MRM3: variants seen among roughly 807,000 people sequenced by gnomAD.
The protein encoded by MRM3 is rRNA methyltransferase 3, mitochondrial.
Under a neutral mutation model 29.4 loss-of-function variants are expected in MRM3, and 26 were observed. That is an observed-to-expected ratio of 0.89 (90% CI 0.65 to 1.23). The LOEUF (loss-of-function observed/expected upper bound fraction) is 1.23. MRM3 is among the 50% of genes most tolerant of loss of function. The probability of loss-of-function intolerance (pLI) is 0.00; values close to 1 mark genes in which losing one functional copy is unlikely to be tolerated. For synonymous variants in MRM3, 225 were observed against 219.0 expected, an observed-to-expected ratio of 1.03 and a Z score of -0.24; for missense variants, 578 against 540.2, an observed-to-expected ratio of 1.07 and a Z score of -0.69.
chr17:784,571 G>A (rs67349310), intron 2 of MRM3, among the ~76,000 whole-genome samples: 18,199 of 151,460 alleles, frequency 0.12, 1,442 homozygotes, highest in Middle Eastern at 0.2. Context: ...CTTGGGGCAG[G>A]TGTGCTTACA....
chr17:784,079 G>A (rs1448130869), intron 2 of MRM3, among the ~76,000 whole-genome samples: 1 of 152,212 alleles, frequency 6.6e-6, no homozygotes, highest in South Asian at 2.1e-4. Flanking sequence ...CTTCTAGTCT[G>A]TTCCTTCATT....
Position 788,196 on chromosome 17 carries a change from G to T in MRM3, c.727+64G>T, listed in dbSNP as rs750251478. ...GTAATCCAGCCCTTTGGGAGGCCGAGGCAGGAGGGTCACTTGAGCCCAGGA... is the reference window on the plus strand; with the variant it reads ...GTAATCCAGCCCTTTGGGAGGCCGATGCAGGAGGGTCACTTGAGCCCAGGA... On this transcript the variant is annotated intron_variant, in intron 3 of 3. Transcript: ENST00000304478. 8 of 1,547,478 alleles carry T rather than the reference G, an allele frequency of 5.2e-6. No individual in the cohort carries two copies. In the South Asian group the frequency reaches 9.2e-5, roughly 18 times the overall value.
Position 786,846 on chromosome 17 carries a change from G to A in MRM3, c.560-1119G>A, listed in dbSNP as rs77374414. Among the ~76,000 whole-genome samples, 198 of 152,328 alleles carry A rather than the reference G, an allele frequency of 1.3e-3. 3 individuals are homozygous for A. The highest frequency in any genetic ancestry group is 4.5e-3 in the African/African-American group (187 of 41,584). ...AAATTTTTAGACACATGGACAGACA[G>A]TCCTACAGGGATACCCATTGCAGCA... is the stretch of plus-strand genomic sequence containing the variant. On this transcript the variant is annotated intron_variant, in intron 2 of 3. Transcript: ENST00000304478.
At chr17:791,500 G>C (rs1313961718) in intron 3 of MRM3, 34 bp from the exon 4 acceptor site, 1 of 1,594,126 alleles carries the variant, frequency 6.3e-7, no homozygotes, top group Non-Finnish European at 8.6e-7. Flanking sequence ...GGGAAGATTT[G>C]TAACATCTTG....
In MRM3 at chr17:792,142, G is replaced by A. The variant is rs1910859479; in HGVS notation, c.*73G>A. The A allele has an allele frequency of 3.4e-6, 5 of 1,466,440 alleles. No individual in the cohort carries two copies. Among genetic ancestry groups the A allele is most frequent in the Admixed American group, 2.2e-5 (1 of 44,802 alleles). 90.8% of individuals were successfully genotyped at this position (1,466,440 alleles called of 1,614,324 possible). A position where few individuals can be genotyped will look rare whatever the true frequency, so the allele number is the denominator to read the frequency against. ...ACCAGCACACTGGTGGGAGGCTGGC[G>A]GAGTCAGTGACTATGGCCCCCACGT... On this transcript the variant is annotated 3_prime_UTR_variant, in exon 4 of 4. Transcript: ENST00000304478.
chr17:788,711 A>G (rs1910656147), intron 3 of MRM3, among the ~76,000 whole-genome samples: 1 of 152,058 alleles, frequency 6.6e-6, no homozygotes, highest in Non-Finnish European at 1.5e-5. Context: ...CCTGAGCAGT[A>G]GCTGGAATGA....
chr17:790,470 G>GCCCACCT (rs1037235231), intron 3 of MRM3: 3 of 175,348 alleles, frequency 1.7e-5, no homozygotes, highest in Non-Finnish European at 2.5e-5. Context: ...GTGTTGGCCT[G>GCCCACCT]CCCACCTCCC....
intron 2 of MRM3, among the ~76,000 whole-genome samples, chr17:785,738 G>A (rs985153312): frequency 2.0e-5 from 3 of 152,190 alleles, no homozygotes; most frequent in African/African-American, 7.2e-5. Context: ...ATGCATTCAA[G>A]TTTTGAAATT....
chr17:792,035 C>T lies in MRM3; in HGVS notation c.1229C>T (p.Ala410Val). Reference sequence around the variant, plus strand: ...GGGAAAAGACAGCTGCGGGGGAGGGCGGAGGACTTGAGCAGGGACAGGAGT... The same window carrying T: ...GGGAAAAGACAGCTGCGGGGGAGGGTGGAGGACTTGAGCAGGGACAGGAGT... Reference protein sequence around the residue: ...FEGKRQLRGRAEDLSRDRSYH With the variant: ...FEGKRQLRGRVEDLSRDRSYH The change falls in exon 4 of 4, where the codon GCG becomes GTG. Residue 410 changes from alanine (A) to valine (V), a missense_variant. By Grantham distance (64) the Ala-to-Val change is moderately conservative. Coordinates refer to ENST00000304478, the MANE Select transcript of MRM3 (RefSeq NM_018146.4). The T allele has an allele frequency of 2.5e-6, 4 of 1,611,436 alleles. No individual in the cohort carries two copies. The highest frequency in any genetic ancestry group is 1.1e-5 in the South Asian group (1 of 90,758).
intron 3 of MRM3, among the ~76,000 whole-genome samples, chr17:788,586 G>A (rs1363236667): frequency 1.3e-5 from 2 of 151,698 alleles, no homozygotes; most frequent in African/African-American, 4.8e-5. Flanking sequence ...CCAAAGTGCT[G>A]GAATTATAGG....
rs1910617270 is a variant in MRM3 at position 787,984 on chromosome 17, C to G, written c.579C>G (p.Asp193Glu). 1.2e-6 allele frequency: 2 copies of G among 1,613,850 alleles called. No homozygotes were observed. The highest frequency in any genetic ancestry group is 4.5e-5 in the East Asian group (2 of 44,896). The change falls in exon 3 of 4, where the codon GAC (aspartate) becomes GAG (glutamate). Residue 193 changes from aspartate to glutamate, a missense_variant. Coordinates refer to ENST00000304478, the MANE Select transcript of MRM3 (RefSeq NM_018146.4). The surrounding 1 kb of genome is among the most constrained non-coding windows in gnomAD (Gnocchi z 4.1). ...CCTCAGGGATTTTTGCCAAGCCTGA[C>G]CATGTTAAGATGACATATCCAAAGA... The part of the protein sequence containing the change: ...QGIMGIFAKP[D>E]HVKMTYPKTQ...
In MRM3 at chr17:782,657, C is replaced by G; in HGVS notation, c.279C>G (p.Arg93=). 3 of 1,612,300 alleles carry G rather than the reference C, an allele frequency of 1.9e-6. No homozygotes were observed. In the East Asian group the frequency reaches 6.7e-5, roughly 36 times the overall value. ...APSTWEESGL[R]YDKAYPGDRR... is the part of the protein sequence containing the mutation. Reference sequence around the variant, plus strand: ...GCACCTGGGAAGAGTCTGGGCTTCGCTACGATAAAGCTTATCCCGGGGACA... The same window carrying G: ...GCACCTGGGAAGAGTCTGGGCTTCGGTACGATAAAGCTTATCCCGGGGACA... The change falls in exon 1 of 4, where the codon CGC becomes CGG. Residue 93 remains arginine (R), a synonymous_variant. Coordinates refer to ENST00000304478, the MANE Select transcript of MRM3 (RefSeq NM_018146.4).
chr17:792,234 G>T lies in MRM3; in HGVS notation c.*165G>T, dbSNP rs558350124. 7.1e-5 allele frequency: 47 copies of T among 664,432 alleles called. No individual in the cohort carries two copies. In the South Asian group the frequency reaches 1.1e-3, roughly 15 times the overall value. The allele number at this position is 664,432 out of a possible 1,614,324, so 41.2% of individuals were successfully genotyped here. On this transcript the variant is annotated 3_prime_UTR_variant, in exon 4 of 4. Transcript: ENST00000304478. Reference sequence around the variant, plus strand: ...ATAAGAACTTCCTCAGAAAGAACAGGTCCGAATTCTTCCTGTCGCGTCACT... The same window carrying T: ...ATAAGAACTTCCTCAGAAAGAACAGTTCCGAATTCTTCCTGTCGCGTCACT...
Position 788,120 on chromosome 17 carries a change from T to C in MRM3, c.715T>C (p.Leu239=), listed in dbSNP as rs983543311. 6.2e-7 allele frequency: 1 copy of C among 1,614,108 alleles called. No individual in the cohort carries two copies. Among genetic ancestry groups the C allele is most frequent in the Admixed American group, 1.7e-5 (1 of 60,010 alleles). ...SAAGAGCSKV[L]LTKGCVDAWE... ...AGCTGGGGCAGGCTGCAGCAAAGTG[T>C]TACTCACCAAAGGTAAGGACATCAA... is the stretch of plus-strand genomic sequence containing the variant. Residue 239 remains leucine (L), a synonymous_variant, in exon 3 of 4, where the codon TTA becomes CTA. Coordinates refer to ENST00000304478, the MANE Select transcript of MRM3 (RefSeq NM_018146.4).
intron 2 of MRM3, among the ~76,000 whole-genome samples, chr17:784,092 G>C (rs2144516520): frequency 1.3e-5 from 2 of 152,318 alleles, no homozygotes; most frequent in Admixed American, 1.3e-4. Context: ...CCTTCATTTG[G>C]CTGAATCTGA....
intron 2 of MRM3, among the ~76,000 whole-genome samples, chr17:785,709 A>G (rs1029842154): frequency 1.3e-5 from 2 of 152,250 alleles, no homozygotes; most frequent in Non-Finnish European, 2.9e-5. Context: ...GCGTATTTGA[A>G]AAAGGGGTTG....
At position 788,141 on chromosome 17, in the gene MRM3, A is replaced by G; in HGVS notation, c.727+9A>G. On this transcript the variant is annotated intron_variant, in intron 3 of 3. Coordinates refer to ENST00000304478, the MANE Select transcript of MRM3 (RefSeq NM_018146.4). ...AGTGTTACTCACCAAAGGTAAGGACATCAAAGGCCAGGCATAGTGGCTCAC... is the reference window on the plus strand; with the variant it reads ...AGTGTTACTCACCAAAGGTAAGGACGTCAAAGGCCAGGCATAGTGGCTCAC... 1.2e-6 allele frequency: 2 copies of G among 1,613,794 alleles called. No individual in the cohort carries two copies. The highest frequency in any genetic ancestry group is 1.7e-6 in the Non-Finnish European group (2 of 1,179,850).
In MRM3 at chr17:782,391, G is replaced by A. The variant is rs1010429886; in HGVS notation, c.13G>A (p.Val5Met). 5 of 1,613,622 alleles carry A rather than the reference G, an allele frequency of 3.1e-6. No individual in the cohort carries two copies. The highest frequency in any genetic ancestry group is 3.3e-5 in the Admixed American group (2 of 59,982). The change falls in exon 1 of 4, where the codon GTG becomes ATG. Residue 5 changes from valine (V) to methionine (M), a missense_variant. Transcript: ENST00000304478. MAAL[V>M]RPARFVVRPL... ...GGTCTCAGGGAACATGGCGGCGCTG[G>A]TGAGACCCGCGAGGTTTGTCGTGCG... is the stretch of plus-strand genomic sequence containing the variant.
intron 2 of MRM3, among the ~76,000 whole-genome samples, chr17:786,440 AT>A (rs1910538262): frequency 6.6e-6 from 1 of 152,050 alleles, no homozygotes; most frequent in South Asian, 2.1e-4. Flanking sequence ...CGCCCGGCTA[AT>A]TTTTTTGTTA....
Sources: gnomAD v4.1 joint callset for allele counts (sites outside exome capture counted in the v4.1 genomes callset) on GRCh38, gnomAD v4.1.1 for gene constraint, Gnocchi (gnomAD v3.1) non-coding constraint, MANE v1.5 for transcripts, NCBI Gene and HGNC (gene_info 2026-07-23, HGNC 2026-07-21) for gene names.